The following TTLL11 variants were observed in gnomAD, a reference collection of about 807,000 sequenced individuals.
TTLL11 encodes tubulin polyglutamylase TTLL11.
A neutral mutation model predicts 51.7 loss-of-function variants in TTLL11; 42 were observed. The ratio of observed to expected loss-of-function variants is 0.81; its 90% CI spans 0.64 to 1.05. TTLL11 has a LOEUF of 1.05. Among genes scored for constraint, TTLL11 ranks in the 50% least tolerant of loss-of-function variants. The probability of loss-of-function intolerance (pLI) is 0.00; values close to 1 mark genes in which losing one functional copy is unlikely to be tolerated. For synonymous variants in TTLL11, 381 were observed against 383.5 expected (o/e 0.99, Z 0.08); for missense variants, 799 against 940.4 (o/e 0.85, Z 1.97).
At chr9:121,851,132 GA>G (rs1837654377) in intron 8 of TTLL11, among the ~76,000 whole-genome samples, 1 of 152,172 alleles carries the variant, frequency 6.6e-6, no homozygotes, top group Admixed American at 6.5e-5. Context: ...ATGACTTTCT[GA>G]AAAAGGCTAA....
chr9:121,836,774 G>T (rs1306066275), intron 8 of TTLL11, among the ~76,000 whole-genome samples: 6 of 152,206 alleles, frequency 3.9e-5, no homozygotes, highest in African/African-American at 7.2e-5. Context: ...GCAAGTCATT[G>T]CCTGGAAGAG....
At chr9:121,839,280 AC>A (rs1385296771) in intron 8 of TTLL11, among the ~76,000 whole-genome samples, 2 of 152,330 alleles carry the variant, frequency 1.3e-5, no homozygotes, top group South Asian at 2.1e-4. Context: ...TCATCCCTGC[AC>A]GTCCCCATCA....
chr9:121,877,457 T>C (rs1838608268), intron 6 of TTLL11, among the ~76,000 whole-genome samples: 1 of 152,070 alleles, frequency 6.6e-6, no homozygotes, highest in Non-Finnish European at 1.5e-5. Context: ...AGGAAAGGAC[T>C]TAACGAGAGA....
At chr9:121,952,527 C>T (rs7867747) in intron 6 of TTLL11, among the ~76,000 whole-genome samples, 104,682 of 151,150 alleles carry the variant, frequency 0.69, 36,877 homozygotes, top group Non-Finnish European at 0.77. Context: ...CAGCTAGTTA[C>T]CCAGCTTCTG....
At chr9:122,062,599 G>T (rs940529490) in intron 1 of TTLL11, among the ~76,000 whole-genome samples, 2 of 148,840 alleles carry the variant, frequency 1.3e-5, no homozygotes, top group Non-Finnish European at 3.0e-5. Flanking sequence ...CTCCCAAGTA[G>T]CTGGGTTTAC....
At chr9:122,029,329 C>G (rs1029849965) in intron 3 of TTLL11, among the ~76,000 whole-genome samples, 17 of 151,924 alleles carry the variant, frequency 1.1e-4, no homozygotes, top group African/African-American at 4.1e-4. Context: ...AGGAGGTATT[C>G]CAGAAGAAAG....
At chr9:121,835,998 A>T (rs1350581395) in intron 8 of TTLL11, among the ~76,000 whole-genome samples, 1 of 152,214 alleles carries the variant, frequency 6.6e-6, no homozygotes, top group Admixed American at 6.5e-5. Flanking sequence ...GGGTAACAAC[A>T]ACACCCAGAA....
intron 6 of TTLL11, among the ~76,000 whole-genome samples, chr9:121,897,852 A>G (rs1171240429): frequency 1.5e-4 from 22 of 151,366 alleles, no homozygotes; most frequent in Non-Finnish European, 2.9e-5. Flanking sequence ...CATCAAATGG[A>G]TGTTTTTCCT....
At chr9:122,046,177 C>T (rs750527289) in intron 1 of TTLL11, among the ~76,000 whole-genome samples, 5 of 152,096 alleles carry the variant, frequency 3.3e-5, no homozygotes, top group Non-Finnish European at 7.4e-5. Flanking sequence ...GGAGAAGAGG[C>T]CTGGTGAGAG....
chr9:121,975,580 C>T (rs947070002), intron 4 of TTLL11, among the ~76,000 whole-genome samples: 5 of 152,160 alleles, frequency 3.3e-5, no homozygotes, highest in African/African-American at 2.4e-5. Flanking sequence ...GGTGTCGTGG[C>T]GCGAATCTGT....
intron 3 of TTLL11, among the ~76,000 whole-genome samples, chr9:121,991,706 C>T (rs538913125): frequency 6.6e-4 from 101 of 152,266 alleles, no homozygotes; most frequent in Non-Finnish European, 1.1e-3. Context: ...CAATAGTCTC[C>T]GTCACTCATT....
At chr9:121,985,508 C>CTTTT (rs766262272) in intron 4 of TTLL11, among the ~76,000 whole-genome samples, 2,072 of 130,514 alleles carry the variant, frequency 0.016, 92 homozygotes, top group African/African-American at 0.042. Flanking sequence ...ATACCATTTT[C>CTTTT]TTTTCTTTTT....
chr9:121,842,116 G>A (rs1837370374), intron 8 of TTLL11, among the ~76,000 whole-genome samples: 1 of 152,140 alleles, frequency 6.6e-6, no homozygotes, highest in African/African-American at 2.4e-5. Flanking sequence ...TAAAACATCT[G>A]GAAAAAGAGC....
intron 1 of TTLL11, among the ~76,000 whole-genome samples, chr9:122,071,141 C>A (rs75077149): frequency 0.041 from 6,301 of 152,232 alleles, 421 homozygotes; most frequent in African/African-American, 0.14. Flanking sequence ...TTAGAGTGGA[C>A]CCCATGGCTT....
rs768045115 is a variant in TTLL11, at chr9:122,031,773, A to G, written c.643T>C (p.Tyr215His). The change falls in exon 3 of 9, where the codon TAC (tyrosine) becomes CAC (histidine). Residue 215 changes from tyrosine (Y) to histidine (H), a missense_variant. Tyr to His is a moderately conservative substitution (Grantham distance 83). Transcript: ENST00000321582. ...QNLFPEEYNFYPRSWILPDEF... is the reference protein window; with the variant it reads ...QNLFPEEYNFHPRSWILPDEF... ...TCAGGCAGAATCCATGAGCGAGGGT[A>G]GAAGTTGTACTCCTCAGGAAAGAGA... The G allele has an allele frequency of 4.3e-6, 7 of 1,613,710 alleles. No individual in the cohort carries two copies. In the South Asian group the frequency reaches 7.7e-5, roughly 18 times the overall value.
intron 7 of TTLL11, among the ~76,000 whole-genome samples, chr9:121,861,452 T>G (rs1289044330): frequency 6.6e-6 from 1 of 152,130 alleles, no homozygotes; most frequent in Non-Finnish European, 1.5e-5. Flanking sequence ...CATTTCACCT[T>G]TCTGAGTCTC....
chr9:121,911,269 C>A (rs749990211), intron 6 of TTLL11, among the ~76,000 whole-genome samples: 8 of 151,968 alleles, frequency 5.3e-5, no homozygotes, highest in African/African-American at 1.7e-4. Context: ...TGGTGGCGGG[C>A]GTCTGTAATC....
chr9:121,872,905 T>C (rs1838406388), intron 6 of TTLL11, among the ~76,000 whole-genome samples: 1 of 152,226 alleles, frequency 6.6e-6, no homozygotes, highest in African/African-American at 2.4e-5. Context: ...GCTAAAATGA[T>C]TTTGTCATCA....
chr9:121,882,244 A>T (rs1369025538), intron 6 of TTLL11, among the ~76,000 whole-genome samples: 2 of 152,164 alleles, frequency 1.3e-5, no homozygotes, highest in Admixed American at 1.3e-4. Flanking sequence ...AGGCTAGGTC[A>T]AGGGGGCTCA....
Sources: gnomAD v4.1 joint callset for allele counts (sites outside exome capture counted in the v4.1 genomes callset) on GRCh38, gnomAD v4.1.1 for gene constraint, MANE v1.5 for transcripts, NCBI Gene and HGNC (gene_info 2026-07-23, HGNC 2026-07-21) for gene names.